ARNT2: variants seen among roughly 807,000 people sequenced by gnomAD.
The protein encoded by ARNT2 is aryl hydrocarbon receptor nuclear translocator 2.
In ARNT2, 36 loss-of-function variants were observed where a neutral mutation model predicts 91.7. The ratio of observed to expected loss-of-function variants is 0.39; its 90% CI spans 0.30 to 0.52. The LOEUF (loss-of-function observed/expected upper bound fraction) is 0.52. Among genes scored for constraint, ARNT2 ranks in the 20% least tolerant of loss-of-function variants. The pLI is 0.72. For missense variants in ARNT2, 775 were observed against 939.3 expected (o/e 0.83, Z 2.29); for synonymous variants, 365 against 347.1 (o/e 1.05, Z -0.57).
chr15:80,537,234 A>G (rs1349717348), intron 8 of ARNT2, among the ~76,000 whole-genome samples: 1 of 152,078 alleles, frequency 6.6e-6, no homozygotes, highest in Non-Finnish European at 1.5e-5. Flanking sequence ...CCATTTTTGC[A>G]TCTGTTTGTC....
chr15:80,583,367 C>T lies in ARNT2; in HGVS notation c.1918+1963C>T, dbSNP rs74393871. Among the ~76,000 whole-genome samples, 522 of 152,348 alleles carry T rather than the reference C, an allele frequency of 3.4e-3. 2 individuals are homozygous for T. The highest frequency in any genetic ancestry group is 0.011 in the African/African-American group (453 of 41,588). On this transcript the variant is annotated intron_variant, in intron 17 of 18. Transcript: ENST00000303329. ...CCATCCAGTGCCTTTAGCTCCATGC[C>T]TCTGTCTAGTCTCCACTAAACAAAT...
rs1388508102 is a variant in ARNT2 at position 80,593,701 on chromosome 15, G to C, written c.*3G>C. On this transcript the variant is annotated 3_prime_UTR_variant, in exon 19 of 19. Transcript: ENST00000303329. ...TGTTTCCACCGTTTTCTGAGTAGCTGCGGCCAGAGTGAGGCTCCTGCTGTA... is the reference window on the plus strand; with the variant it reads ...TGTTTCCACCGTTTTCTGAGTAGCTCCGGCCAGAGTGAGGCTCCTGCTGTA... The C allele has an allele frequency of 6.3e-7, 1 of 1,598,680 alleles. No homozygotes were observed. The highest frequency in any genetic ancestry group is 1.1e-5 in the South Asian group (1 of 88,698).
intron 1 of ARNT2, among the ~76,000 whole-genome samples, chr15:80,416,137 G>A (rs1879777475): frequency 6.6e-6 from 1 of 152,226 alleles, no homozygotes; most frequent in African/African-American, 2.4e-5. Flanking sequence ...GAAAAGAGAT[G>A]TGTCCATCAC....
intron 5 of ARNT2, among the ~76,000 whole-genome samples, chr15:80,483,759 T>A (rs12902300): frequency 0.74 from 111,882 of 152,104 alleles, 41,599 homozygotes; most frequent in East Asian, 0.96. Context: ...GCTGCAAGAG[T>A]CAGCGTGCAC....
At chr15:80,468,757 A>AC (rs1938790380) in intron 3 of ARNT2, among the ~76,000 whole-genome samples, 1 of 151,908 alleles carries the variant, frequency 6.6e-6, no homozygotes, top group Admixed American at 6.6e-5. Flanking sequence ...TTCATAGTTA[A>AC]CCCCCCACTG....
chr15:80,516,475 TAG>T (rs1897436192), intron 8 of ARNT2, among the ~76,000 whole-genome samples: 1 of 152,212 alleles, frequency 6.6e-6, no homozygotes, highest in Non-Finnish European at 1.5e-5. Flanking sequence ...ATGAAATTAA[TAG>T]AGTTTCTTCA....
chr15:80,417,729 A>G (rs1250306130), intron 1 of ARNT2, among the ~76,000 whole-genome samples: 2 of 152,028 alleles, frequency 1.3e-5, no homozygotes, highest in African/African-American at 4.8e-5. Context: ...TGGTCTACCC[A>G]GTAGTTAACA....
chr15:80,472,106 T>TG (rs1255064440), intron 4 of ARNT2, among the ~76,000 whole-genome samples: 4 of 7,694 alleles, frequency 5.2e-4, no homozygotes, highest in East Asian at 2.8e-3. Flanking sequence ...GTATAGCCGG[T>TG]GGGGGGGCAT....
chr15:80,508,025 A>G (rs750952322), intron 5 of ARNT2, 131 bp from the exon 6 acceptor site: 39 of 778,820 alleles, frequency 5.0e-5, no homozygotes, highest in Non-Finnish European at 7.8e-5. Context: ...GAATTCCAAG[A>G]CACAAACAAT....
chr15:80,508,450 A>G (rs1897302459), intron 6 of ARNT2, among the ~76,000 whole-genome samples, 192 bp downstream of exon 6: 1 of 152,122 alleles, frequency 6.6e-6, no homozygotes, highest in Non-Finnish European at 1.5e-5. Context: ...CTATCCTCCT[A>G]CCATCCCACT....
intron 2 of ARNT2, among the ~76,000 whole-genome samples, chr15:80,457,517 A>T (rs1896497970): frequency 1.3e-5 from 2 of 152,226 alleles, no homozygotes; most frequent in South Asian, 4.1e-4. Flanking sequence ...CCACAAGATA[A>T]ACTAAGAAAA....
At position 80,508,158 on chromosome 15, in the gene ARNT2, C is replaced by G; in HGVS notation, c.625C>G (p.Arg209Gly). Residue 209 changes from arginine (R) to glycine (G), a missense_variant and splice_region_variant, in exon 6 of 19, where the codon CGG becomes GGG. This residue lies in a region of ARNT2 where 285 missense variants were observed against 327.2 expected (regional missense o/e 0.87). Transcript: ENST00000303329. Reference protein sequence around the residue: ...LCTSENSMTGRILDLKTGTVK... With the variant: ...LCTSENSMTGGILDLKTGTVK... ...AACTGTCCTTCTCTCTCTCTTAGGC[C>G]GGATCTTGGACCTGAAGACTGGGAC... 1 of 1,613,990 alleles carries G rather than the reference C, an allele frequency of 6.2e-7. No individual in the cohort carries two copies. Among genetic ancestry groups the G allele is most frequent in the Non-Finnish European group, 8.5e-7 (1 of 1,179,944 alleles).
chr15:80,546,002 G>A lies in ARNT2; in HGVS notation c.878-5197G>A, dbSNP rs147669160. ...AAGGAGGATTTCTTTCAAGTAAGAC[G>A]TAGGTTTGGCTGCTGGTCAGTCTAA... On this transcript the variant is annotated intron_variant, in intron 8 of 18. Coordinates refer to ENST00000303329, the MANE Select transcript of ARNT2 (RefSeq NM_014862.4). Among the ~76,000 whole-genome samples, 610 of 152,296 alleles carry A rather than the reference G, an allele frequency of 4.0e-3. 2 individuals carry two copies. Among genetic ancestry groups the A allele is most frequent in the Middle Eastern group, 6.8e-3 (2 of 294 alleles).
chr15:80,411,151 T>C (rs1263827619), intron 1 of ARNT2, among the ~76,000 whole-genome samples: 1 of 152,192 alleles, frequency 6.6e-6, no homozygotes. Context: ...TCCTGATCCC[T>C]TTATCCAGGT....
At chr15:80,518,867 T>C (rs1023335823) in intron 8 of ARNT2, among the ~76,000 whole-genome samples, 1 of 152,150 alleles carries the variant, frequency 6.6e-6, no homozygotes, top group Admixed American at 6.5e-5. Flanking sequence ...GTCTTTGTTA[T>C]GGAGAATGCT....
At chr15:80,544,269 A>G (rs988943312) in intron 8 of ARNT2, among the ~76,000 whole-genome samples, 4 of 152,154 alleles carry the variant, frequency 2.6e-5, no homozygotes, top group Admixed American at 1.3e-4. Context: ...GCTTTGTTTC[A>G]TGCCTGGTAA....
At chr15:80,524,542 T>A (rs1202991851) in intron 8 of ARNT2, among the ~76,000 whole-genome samples, 1 of 152,122 alleles carries the variant, frequency 6.6e-6, no homozygotes, top group Non-Finnish European at 1.5e-5. Context: ...GATAAAATAC[T>A]GGACAATAAT....
intron 15 of ARNT2, among the ~76,000 whole-genome samples, chr15:80,577,919 C>G (rs540126171): frequency 6.6e-6 from 1 of 152,332 alleles, no homozygotes; most frequent in African/African-American, 2.4e-5. Context: ...GGCAGGGCCT[C>G]TGGTCTGGGG....
At chr15:80,461,138 C>T (rs538413938) in intron 3 of ARNT2, among the ~76,000 whole-genome samples, 33 of 152,134 alleles carry the variant, frequency 2.2e-4, no homozygotes, top group Non-Finnish European at 4.4e-4. Flanking sequence ...GGAGGCTAAC[C>T]GAAGACAGAG....
Sources: gnomAD v4.1 joint callset for allele counts (sites outside exome capture counted in the v4.1 genomes callset) on GRCh38, gnomAD v4.1.1 for gene constraint, gnomAD v4.1.1 regional missense constraint, MANE v1.5 for transcripts, NCBI Gene and HGNC (gene_info 2026-07-23, HGNC 2026-07-21) for gene names.